Variants in SEMA4D observed in about 807,000 individuals in gnomAD.
SEMA4D encodes the protein semaphorin-4D.
A neutral mutation model predicts 74.8 loss-of-function variants in SEMA4D; 22 were observed. The ratio of observed to expected loss-of-function variants is 0.29; its 90% CI spans 0.21 to 0.42. The LOEUF (loss-of-function observed/expected upper bound fraction) is 0.42, where lower values mean the gene tolerates loss of function less well. SEMA4D is among the 10% of genes least tolerant of loss of function. The probability of loss-of-function intolerance (pLI) is 1.00; values close to 1 mark genes in which losing one functional copy is unlikely to be tolerated. For missense variants in SEMA4D, 937 were observed against 1,118.4 expected, an observed-to-expected ratio of 0.84 and a Z score of 2.31; for synonymous variants, 445 against 463.7, an observed-to-expected ratio of 0.96 and a Z score of 0.52.
intron 1 of SEMA4D, among the ~76,000 whole-genome samples, chr9:89,460,416 C>T (rs537679524): frequency 5.9e-5 from 9 of 152,370 alleles, no homozygotes; most frequent in Non-Finnish European, 1.2e-4. Flanking sequence ...ACAGTCCATT[C>T]CTTCCTTTGC....
At chr9:89,396,243 A>G (rs1477296695) in intron 6 of SEMA4D, among the ~76,000 whole-genome samples, 1 of 152,184 alleles carries the variant, frequency 6.6e-6, no homozygotes, top group Non-Finnish European at 1.5e-5. Context: ...CCACAGCCAG[A>G]GCACAGATGC....
exon 19 of SEMA4D, chr9:89,360,801 C>T (rs1249119163): frequency 6.6e-6 from 1 of 152,222 alleles, no homozygotes; most frequent in African/African-American, 2.4e-5. Context: ...CAATGTACAA[C>T]TCTATTTTTA....
chr9:89,414,888 C>T (rs1348248255), intron 2 of SEMA4D, among the ~76,000 whole-genome samples: 1 of 152,206 alleles, frequency 6.6e-6, no homozygotes, highest in Non-Finnish European at 1.5e-5. Flanking sequence ...CAGACATGCT[C>T]TAACCCTCAC....
chr9:89,497,031 G>A (rs1826074039), intron 1 of SEMA4D, among the ~76,000 whole-genome samples: 2 of 152,272 alleles, frequency 1.3e-5, no homozygotes. Flanking sequence ...AAAACCTTCC[G>A]GAAAGCAGGA....
chr9:89,449,806 A>C, intron 2 of SEMA4D: 1 of 1,489,914 alleles, frequency 6.7e-7, no homozygotes, highest in Non-Finnish European at 9.3e-7. Flanking sequence ...ATTTTGGTAA[A>C]TAACTGTGTA....
rs949199180 is a variant in SEMA4D at position 89,413,644 on chromosome 9, C to T, written c.-243-7945G>A. Among the ~76,000 whole-genome samples, 7 of 152,338 alleles carry T rather than the reference C, an allele frequency of 4.6e-5. No individual in the cohort carries two copies. In the East Asian group the frequency reaches 1.2e-3, roughly 25 times the overall value. The stretch of plus-strand genomic sequence containing the variant: ...GTATGTCTGTGTGCATACATATGTA[C>T]ACCTGTGTGAGTGCATGTGCATCTG... On this transcript the variant is annotated intron_variant, in intron 2 of 15. Transcript: ENST00000422704.
Position 89,387,394 on chromosome 9 carries a change from A to G in SEMA4D, c.1322T>C (p.Val441Ala), listed in dbSNP as rs773039519. The change falls in exon 12 of 16, where the codon GTC (valine) becomes GCC (alanine). Residue 441 changes from valine to alanine, a missense_variant. Coordinates refer to ENST00000422704, the MANE Select transcript of SEMA4D (RefSeq NM_001371194.2). ...AAGCCCTCGGAACCCACCTGTGCTGACAAACATGACATCATAGACAGTCCC... is the reference window on the plus strand; with the variant it reads ...AAGCCCTCGGAACCCACCTGTGCTGGCAAACATGACATCATAGACAGTCCC... ...LDGTVYDVMF[V>A]STDRGALHKA... The G allele has an allele frequency of 2.5e-6, 4 of 1,609,494 alleles. No individual in the cohort carries two copies. In the Admixed American group the frequency reaches 6.7e-5, roughly 27 times the overall value.
intron 16 of SEMA4D, among the ~76,000 whole-genome samples, chr9:89,371,207 TG>T (rs1172158650): frequency 1.6e-5 from 1 of 63,226 alleles, no homozygotes; most frequent in African/African-American, 6.5e-5. Flanking sequence ...ATCTGGGGTG[TG>T]GTGTGTGGGG....
In SEMA4D at chr9:89,480,451, G is replaced by A. The variant is rs935162199; in HGVS notation, c.-310+17468C>T. ...AGCCCTTGGGTGGTCGATGGGACTG[G>A]GCGCCGTGGAGCAGGGGGTGGCTCT... On this transcript the variant is annotated intron_variant, in intron 1 of 15. Transcript: ENST00000422704. Among the ~76,000 whole-genome samples, 6 of 152,264 alleles carry A rather than the reference G, an allele frequency of 3.9e-5. No homozygotes were observed. The South Asian group carries it at 6.2e-4, about 16-fold the overall frequency.
chr9:89,376,866 G>A (rs972948383), downstream of SEMA4D: 8 of 1,550,396 alleles, frequency 5.2e-6, no homozygotes, highest in Non-Finnish European at 6.1e-6. Flanking sequence ...AAGTTCCCCA[G>A]GGCGTGCACG....
In SEMA4D at chr9:89,388,963, C is replaced by G; in HGVS notation, c.859G>C (p.Gly287Arg). 1 of 1,614,082 alleles carries G rather than the reference C, an allele frequency of 6.2e-7. No individual in the cohort carries two copies. The highest frequency in any genetic ancestry group is 8.5e-7 in the Non-Finnish European group (1 of 1,180,020). Residue 287 changes from glycine to arginine, a missense_variant, in exon 10 of 16, where the codon GGC (glycine) becomes CGC (arginine). By Grantham distance (125) the Gly-to-Arg change is moderately radical. Transcript: ENST00000422704. ...TCCCGCAGCACATTGAAGACCAAGCCGCTGTCTGGCCGGGAGCAGATGAGT... is the reference window on the plus strand; with the variant it reads ...TCCCGCAGCACATTGAAGACCAAGCGGCTGTCTGGCCGGGAGCAGATGAGT... ...ARLICSRPDS[G>R]LVFNVLRDVF... is the part of the protein sequence containing the mutation.
At chr9:89,478,755 C>T (rs1862391887) in intron 1 of SEMA4D, among the ~76,000 whole-genome samples, 1 of 142,426 alleles carries the variant, frequency 7.0e-6, no homozygotes, top group Non-Finnish European at 1.5e-5. Context: ...CCTATGGCCC[C>T]CTCATCCTCC....
intron 4 of SEMA4D, among the ~76,000 whole-genome samples, chr9:89,402,001 G>A (rs7045789): frequency 0.26 from 39,234 of 151,628 alleles, 6,673 homozygotes; most frequent in East Asian, 0.58. Flanking sequence ...AGAGGGATGA[G>A]CCTGGATCTG....
At chr9:89,450,262 GC>G in intron 2 of SEMA4D, 1 of 1,027,686 alleles carries the variant, frequency 9.7e-7, no homozygotes, top group Non-Finnish European at 1.5e-6. Context: ...TCAGGAAAGG[GC>G]AAGACCAAGG....
chr9:89,384,887 G>T (rs777168762), intron 13 of SEMA4D: 57 of 985,272 alleles, frequency 5.8e-5, no homozygotes, highest in Non-Finnish European at 6.7e-5. Context: ...CCCCCACCTG[G>T]AGCCTACTGA....
At chr9:89,361,731 G>A (rs1433737448) in exon 19 of SEMA4D, 1 of 152,588 alleles carries the variant, frequency 6.6e-6, no homozygotes, top group East Asian at 1.9e-4. Flanking sequence ...TGCAGCGCTT[G>A]ATAAAATAGA....
chr9:89,463,345 T>A (rs1268309548), intron 1 of SEMA4D, among the ~76,000 whole-genome samples: 2 of 152,182 alleles, frequency 1.3e-5, no homozygotes, highest in East Asian at 3.9e-4. Flanking sequence ...CCAAGCCCAT[T>A]CATTTCTGAG....
At chr9:89,364,500 G>C (rs189494545) in intron 16 of SEMA4D, 13 of 193,590 alleles carry the variant, frequency 6.7e-5, no homozygotes, top group Admixed American at 3.2e-4. Flanking sequence ...ACAGGCTGGA[G>C]AGCTCAGACC....
intron 2 of SEMA4D, among the ~76,000 whole-genome samples, chr9:89,427,092 T>C (rs1452509310): frequency 6.6e-6 from 1 of 152,178 alleles, no homozygotes; most frequent in Non-Finnish European, 1.5e-5. Context: ...AAGCCCAGTA[T>C]TGGGTCAGAG....
Sources: gnomAD v4.1 joint callset for allele counts (sites outside exome capture counted in the v4.1 genomes callset) on GRCh38, gnomAD v4.1.1 for gene constraint, MANE v1.5 for transcripts, NCBI Gene and HGNC (gene_info 2026-07-23, HGNC 2026-07-21) for gene names.